The following WWC2 variants were observed in gnomAD, a reference collection of about 807,000 sequenced individuals.
The protein encoded by WWC2 is protein WWC2.
WWC2 carries 101 observed loss-of-function variants against 138.5 expected under a neutral mutation model. That is an observed-to-expected ratio of 0.73 (90% CI 0.62 to 0.86). The LOEUF (loss-of-function observed/expected upper bound fraction) is 0.86, where lower values mean the gene tolerates loss of function less well. Among genes scored for constraint, WWC2 ranks in the 40% least tolerant of loss-of-function variants. WWC2 has a pLI of 0.00. For synonymous variants in WWC2, 558 were observed against 538.4 expected (o/e 1.04, Z -0.50); for missense variants, 1,420 against 1,419.4 (o/e 1.00, Z -0.01).
chr4:183,264,306 C>G (rs1309734026), intron 11 of WWC2, among the ~76,000 whole-genome samples: 1 of 152,184 alleles, frequency 6.6e-6, no homozygotes, highest in Non-Finnish European at 1.5e-5. Context: ...GCACCACAGG[C>G]TTGCAGCTCA....
intron 1 of WWC2, among the ~76,000 whole-genome samples, chr4:183,143,751 T>C (rs993035853): frequency 6.6e-6 from 1 of 151,988 alleles, no homozygotes; most frequent in Non-Finnish European, 1.5e-5. Context: ...GAGGTTGCAG[T>C]GAGCCGAGAT....
chr4:183,168,067 A>G (rs7689906), intron 1 of WWC2, among the ~76,000 whole-genome samples: 149,285 of 151,994 alleles, frequency 0.98, 73,361 homozygotes, highest in Middle Eastern at 1. Flanking sequence ...CATGTTGGCC[A>G]GGATGGTCTC....
chr4:183,267,882 A>G (rs926872199), intron 14 of WWC2, among the ~76,000 whole-genome samples: 8 of 152,222 alleles, frequency 5.3e-5, no homozygotes, highest in Non-Finnish European at 1.2e-4. Context: ...GACAGCTAGT[A>G]TGAAATATTC....
At chr4:183,291,109 A>T (rs186450539) in intron 21 of WWC2, among the ~76,000 whole-genome samples, 97 of 152,374 alleles carry the variant, frequency 6.4e-4, no homozygotes, top group Admixed American at 1.4e-3. Flanking sequence ...CACAGCAGTG[A>T]ATACAGGATA....
At chr4:183,135,786 CTTCAT>C (rs1733092255) in intron 1 of WWC2, among the ~76,000 whole-genome samples, 1 of 152,020 alleles carries the variant, frequency 6.6e-6, no homozygotes, top group South Asian at 2.1e-4. Context: ...TGGAAAATGT[CTTCAT>C]TTCATTATCA....
chr4:183,167,980 C>T (rs533289135), intron 1 of WWC2, among the ~76,000 whole-genome samples: 6 of 151,754 alleles, frequency 4.0e-5, no homozygotes, highest in African/African-American at 7.2e-5. Flanking sequence ...CTCAGCCTCC[C>T]GAGTAGCTGG....
rs533654320 is a variant in WWC2, at chr4:183,240,378, A to C, written c.602+116A>C. The C allele has an allele frequency of 1.2e-3, 874 of 749,518 alleles. 25 individuals are homozygous for C. The South Asian group carries it at 0.026, about 22-fold the overall frequency. 46.4% of individuals were successfully genotyped at this position (749,518 alleles called of 1,614,324 possible). On this transcript the variant is annotated intron_variant, in intron 5 of 22. Coordinates refer to ENST00000403733, the MANE Select transcript of WWC2 (RefSeq NM_024949.6). ...TTCTTAAAGAAACGTAAAGTAAAAA[A>C]GTTCAGAGCTCTACACCAAAAGAAA...
intron 1 of WWC2, among the ~76,000 whole-genome samples, chr4:183,182,385 C>T (rs140079823): frequency 2.0e-5 from 3 of 152,274 alleles, no homozygotes; most frequent in African/African-American, 7.2e-5. Context: ...ATTGAGGCAG[C>T]CTTGGTGGAT....
chr4:183,194,041 C>T (rs1360131440), intron 2 of WWC2, among the ~76,000 whole-genome samples: 1 of 152,310 alleles, frequency 6.6e-6, no homozygotes, highest in East Asian at 1.9e-4. Flanking sequence ...CACCTTCTGA[C>T]AGGCTCTTCC....
chr4:183,128,971 G>C (rs1298533898), intron 1 of WWC2, among the ~76,000 whole-genome samples: 1 of 152,202 alleles, frequency 6.6e-6, no homozygotes, highest in East Asian at 1.9e-4. Flanking sequence ...TATAAGTACT[G>C]TATTGCCTGG....
Position 183,253,745 on chromosome 4 carries a change from T to TC in WWC2, c.954-12_954-11insC, listed in dbSNP as rs1737048697. 6.6e-7 allele frequency: 1 copy of TC among 1,524,138 alleles called. No homozygotes were observed. The highest frequency in any genetic ancestry group is 2.3e-5 in the East Asian group (1 of 43,756). The allele number at this position is 1,524,138 out of a possible 1,614,324, so 94.4% of individuals were successfully genotyped here. The stretch of plus-strand genomic sequence containing the variant: ...AAGTATGTGCATACCTCTTCTATCT[T>TC]TTTTTTTTTAGTATGGCCAACTTAA... On this transcript the variant is annotated splice_polypyrimidine_tract_variant and intron_variant, in intron 8 of 22. Transcript: ENST00000403733.
rs374106133 is a variant in WWC2 at position 183,227,995 on chromosome 4, G to T, written c.523-12188G>T. On this transcript the variant is annotated intron_variant, in intron 4 of 22. Coordinates refer to ENST00000403733, the MANE Select transcript of WWC2 (RefSeq NM_024949.6). ...CAATAATTAGAATTAAGTGTAATTGGATTAAATGCTCTAGTTAAAAATACA... is the reference window on the plus strand; with the variant it reads ...CAATAATTAGAATTAAGTGTAATTGTATTAAATGCTCTAGTTAAAAATACA... Among the ~76,000 whole-genome samples the T allele has an allele frequency of 3.4e-4, 51 of 152,016 alleles. 1 individual carries two copies. The East Asian group carries it at 5.8e-3, about 17-fold the overall frequency.
At chr4:183,248,045 CTAAAG>C (rs1339019736) in intron 6 of WWC2, among the ~76,000 whole-genome samples, 1 of 152,100 alleles carries the variant, frequency 6.6e-6, no homozygotes, top group Non-Finnish European at 1.5e-5. Flanking sequence ...TATCCTCCCT[CTAAAG>C]TAAACACAGT....
rs540282396 is a variant in WWC2 at position 183,109,642 on chromosome 4, G to A, written c.131+10020G>A. Among the ~76,000 whole-genome samples, 11 of 152,296 alleles carry A rather than the reference G, an allele frequency of 7.2e-5. No individual in the cohort carries two copies. In the South Asian group the frequency reaches 1.5e-3, roughly 20 times the overall value. ...TGCCACCACTGATCTGACAGGAGGC[G>A]GAGCTCAGGCGGTCATGCTTGCTCG... On this transcript the variant is annotated intron_variant, in intron 1 of 22. Transcript: ENST00000403733.
At position 183,166,117 on chromosome 4, in the gene WWC2, A is replaced by T. The variant is rs114930274; in HGVS notation, c.132-27482A>T. On this transcript the variant is annotated intron_variant, in intron 1 of 22. Transcript: ENST00000403733. ...CTTTCTACTTCTAATTTTGTCCTAC[A>T]TTCTTTTTTTCTCTCATTTATGTTA... 1.3e-3 allele frequency among the ~76,000 whole-genome samples: 201 copies of T among 152,230 alleles called. 1 individual carries two copies. The highest frequency in any genetic ancestry group is 4.8e-3 in the African/African-American group (198 of 41,544).
At chr4:183,253,019 TCAC>T (rs1737025191) in intron 8 of WWC2, among the ~76,000 whole-genome samples, 1 of 152,172 alleles carries the variant, frequency 6.6e-6, no homozygotes, top group African/African-American at 2.4e-5. Context: ...GGCACACACA[TCAC>T]CACACCTGGC....
At chr4:183,119,940 T>C (rs1245733754) in intron 1 of WWC2, among the ~76,000 whole-genome samples, 1 of 152,366 alleles carries the variant, frequency 6.6e-6, no homozygotes, top group Non-Finnish European at 1.5e-5. Flanking sequence ...TATATGATTC[T>C]TAAACAGTTC....
chr4:183,282,665 C>T (rs373699202), intron 17 of WWC2, 43 bp from the exon 18 acceptor site: 17 of 1,541,978 alleles, frequency 1.1e-5, no homozygotes, highest in Middle Eastern at 3.3e-4. Flanking sequence ...GTTCATGGAG[C>T]ATGCCTGCCT....
At chr4:183,278,424 T>C (rs1208620088) in intron 16 of WWC2, among the ~76,000 whole-genome samples, 4 of 152,198 alleles carry the variant, frequency 2.6e-5, no homozygotes, top group African/African-American at 9.7e-5. Flanking sequence ...TGCCTCCAGC[T>C]TTGTTCTTTT....
Sources: gnomAD v4.1 joint callset for allele counts (sites outside exome capture counted in the v4.1 genomes callset) on GRCh38, gnomAD v4.1.1 for gene constraint, MANE v1.5 for transcripts, NCBI Gene and HGNC (gene_info 2026-07-23, HGNC 2026-07-21) for gene names.